Variants in FGF13 observed in about 807,000 individuals in gnomAD.
FGF13 encodes fibroblast growth factor 13, also known as fibroblast growth factor homologous factor 2.
Under a neutral mutation model 19.5 loss-of-function variants are expected in FGF13, and 2 were observed. The ratio of observed to expected loss-of-function variants is 0.10; its 90% confidence interval spans 0.04 to 0.32. The LOEUF is 0.32. Ranked by LOEUF, FGF13 falls within the 10% of genes least tolerant of loss-of-function variation. The pLI is 1.00. For synonymous variants in FGF13, 72 were observed against 76.9 expected, an observed-to-expected ratio of 0.94 and a Z score of 0.33; for missense variants, 113 against 192.7, an observed-to-expected ratio of 0.59 and a Z score of 2.45.
At chrX:138,874,894 G>A (rs1272819111) in intron 1 of FGF13, among the ~76,000 whole-genome samples, 1 of 111,645 alleles carries the variant, frequency 9.0e-6, no homozygotes, top group Non-Finnish European at 1.9e-5. Flanking sequence ...ACTACAAGCA[G>A]CCTCGGGCCT....
At chrX:138,776,155 G>C (rs1268859531) in intron 3 of FGF13, among the ~76,000 whole-genome samples, 1 of 112,116 alleles carries the variant, frequency 8.9e-6, no homozygotes, top group Non-Finnish European at 1.9e-5. Flanking sequence ...TACCAAGACT[G>C]ATATTATGTA....
At chrX:138,878,524 G>A (rs1200993974) in intron 1 of FGF13, among the ~76,000 whole-genome samples, 3 of 108,018 alleles carry the variant, frequency 2.8e-5, no homozygotes, top group African/African-American at 1.0e-4. Context: ...GTGTATATGT[G>A]CCACATTTTC....
intron 1 of FGF13, among the ~76,000 whole-genome samples, chrX:139,102,423 T>G (rs776557985): frequency 8.9e-6 from 1 of 111,811 alleles, no homozygotes; most frequent in South Asian, 3.8e-4. Context: ...AATTGCACTT[T>G]GGCATCAGAT....
intron 1 of FGF13, among the ~76,000 whole-genome samples, chrX:139,021,168 T>C (rs1031196488): frequency 1.8e-5 from 2 of 111,224 alleles, no homozygotes; most frequent in African/African-American, 6.5e-5. Context: ...AAGCCAATAA[T>C]TCAAATTCCC....
intron 3 of FGF13, among the ~76,000 whole-genome samples, chrX:138,806,161 C>T (rs1449187838): frequency 8.9e-6 from 1 of 111,901 alleles, no homozygotes; most frequent in Non-Finnish European, 1.9e-5. Flanking sequence ...GTTTATTCTC[C>T]TTTTAAAATT....
At chrX:139,149,074 C>G (rs775484993) in intron 1 of FGF13, among the ~76,000 whole-genome samples, 1 of 111,930 alleles carries the variant, frequency 8.9e-6, no homozygotes, top group South Asian at 3.7e-4. Flanking sequence ...TGACCTTGAC[C>G]TTTTCTGCTG....
chrX:138,906,338 T>C, intron 1 of FGF13, among the ~76,000 whole-genome samples: 1 of 112,352 alleles, frequency 8.9e-6, no homozygotes, highest in Non-Finnish European at 1.9e-5. Context: ...GTCATTTTTA[T>C]TGGCATACTC....
rs1028823941 is a variant in FGF13 at position 138,619,511 on chromosome X, G to T, written c.*13339C>A. The T allele has an allele frequency of 1.1e-4, 12 of 110,793 alleles. No homozygotes were observed. Among genetic ancestry groups the T allele is most frequent in the Admixed American group, 8.7e-4 (9 of 10,373 alleles). 9.1% of individuals were successfully genotyped at this position (110,793 alleles called of 1,213,427 possible). On this transcript the variant is annotated 3_prime_UTR_variant, in exon 5 of 5. Coordinates refer to ENST00000315930, the MANE Select transcript of FGF13 (RefSeq NM_004114.5). ...TATAATATAAAAAGAAAGAAAGACA[G>T]AAACTATCACAGTGAACATGCAACC...
intron 1 of FGF13, among the ~76,000 whole-genome samples, chrX:139,185,192 A>C (rs2084273129): frequency 8.9e-6 from 1 of 112,092 alleles, no homozygotes; most frequent in Admixed American, 9.5e-5. Context: ...CAATAGGAAA[A>C]TTTTAAAATA....
chrX:138,838,502 C>T (rs986220693), intron 3 of FGF13, among the ~76,000 whole-genome samples: 1 of 111,765 alleles, frequency 8.9e-6, no homozygotes, highest in Non-Finnish European at 1.9e-5. Flanking sequence ...CCCAGGGTCA[C>T]ACATTCACTC....
intron 3 of FGF13, among the ~76,000 whole-genome samples, chrX:138,652,698 C>T (rs2089388779): frequency 8.9e-6 from 1 of 111,990 alleles, no homozygotes; most frequent in African/African-American, 3.2e-5. Flanking sequence ...AGCATCTCTA[C>T]CCAAAGAAAC....
chrX:139,131,458 G>T (rs965563279), intron 1 of FGF13, among the ~76,000 whole-genome samples: 1 of 109,101 alleles, frequency 9.2e-6, no homozygotes, highest in Non-Finnish European at 1.9e-5. Flanking sequence ...AGTCAAAAAT[G>T]ATGAACAGAG....
intron 1 of FGF13, among the ~76,000 whole-genome samples, chrX:138,881,337 A>G (rs1049804915): frequency 1.8e-5 from 2 of 110,980 alleles, no homozygotes; most frequent in Admixed American, 1.9e-4. Context: ...ATTCCTTGGG[A>G]TTTTCTGTAC....
intron 1 of FGF13, among the ~76,000 whole-genome samples, chrX:139,049,354 A>G (rs967513026): frequency 6.3e-5 from 7 of 111,413 alleles, no homozygotes; most frequent in Admixed American, 3.8e-4. Flanking sequence ...GATCTATCAT[A>G]CTGATTACCA....
chrX:139,182,738 T>A (rs1210774746), intron 1 of FGF13, among the ~76,000 whole-genome samples: 2 of 112,072 alleles, frequency 1.8e-5, no homozygotes, highest in Non-Finnish European at 3.8e-5. Context: ...AAATTCCTGA[T>A]AAAAGGCCGT....
chrX:138,865,468 T>TC (rs2091316340), intron 1 of FGF13, among the ~76,000 whole-genome samples: 8 of 86,484 alleles, frequency 9.3e-5, no homozygotes, highest in Non-Finnish European at 1.3e-4. Flanking sequence ...TCTCTCTCTC[T>TC]CTCTCCTCTC....
chrX:139,053,265 C>T (rs973565897), intron 1 of FGF13, among the ~76,000 whole-genome samples: 8 of 110,949 alleles, frequency 7.2e-5, no homozygotes, highest in Non-Finnish European at 1.5e-4. Context: ...AGTACATATC[C>T]AGCAGTGGGA....
At chrX:138,637,335 C>T (rs1034554672) in intron 3 of FGF13, among the ~76,000 whole-genome samples, 6 of 112,434 alleles carry the variant, frequency 5.3e-5, no homozygotes, top group African/African-American at 1.6e-4. Flanking sequence ...GTACATAGAA[C>T]GTTGCTGAAA....
At chrX:138,790,504 C>T (rs780350668) in intron 3 of FGF13, among the ~76,000 whole-genome samples, 1 of 111,131 alleles carries the variant, frequency 9.0e-6, no homozygotes, top group South Asian at 3.9e-4. Context: ...TTTCAATAGC[C>T]TATCCATCAC....
Sources: allele counts gnomAD v4.1 joint callset (sites outside exome capture counted in the v4.1 genomes callset), GRCh38; gene constraint gnomAD v4.1.1; transcripts MANE v1.5; gene names NCBI Gene and HGNC (gene_info 2026-07-23, HGNC 2026-07-21).